Variants in KDM5C observed in about 807,000 individuals in gnomAD.
KDM5C encodes lysine-specific demethylase 5C.
Under a neutral mutation model 110.6 loss-of-function variants are expected in KDM5C, and 16 were observed. That is an observed-to-expected ratio of 0.14 (90% confidence interval 0.10 to 0.22). The LOEUF is 0.22. Among genes scored for constraint, KDM5C ranks in the 10% least tolerant of loss-of-function variants. The probability of loss-of-function intolerance (pLI) is 1.00; values close to 1 mark genes in which losing one functional copy is unlikely to be tolerated. For missense variants in KDM5C, 681 were observed against 1,300.9 expected (o/e 0.52, Z 7.33); for synonymous variants, 511 against 520.4 (o/e 0.98, Z 0.24).
chrX:53,211,061 C>T (rs782703255), intron 10 of KDM5C, among the ~76,000 whole-genome samples: 4 of 111,467 alleles, frequency 3.6e-5, no homozygotes, highest in African/African-American at 1.3e-4. Context: ...TCAATTTCTA[C>T]GAAGTTTACC....
At chrX:53,197,621 C>T (rs1230887469) in intron 18 of KDM5C, 150 bp downstream of exon 18, 6 of 507,958 alleles carry the variant, frequency 1.2e-5, no homozygotes, top group African/African-American at 2.3e-5. Context: ...AGTCACTAGA[C>T]CCTTGCCTCA....
chrX:53,200,786 T>C (rs1169144929), intron 14 of KDM5C, among the ~76,000 whole-genome samples: 3 of 112,328 alleles, frequency 2.7e-5, no homozygotes, highest in Non-Finnish European at 5.6e-5. Flanking sequence ...AAGTGTGAAA[T>C]TTGAAGATGA....
chrX:53,207,930 C>G (rs1413024578), intron 12 of KDM5C, among the ~76,000 whole-genome samples: 8 of 100,308 alleles, frequency 8.0e-5, no homozygotes, highest in Non-Finnish European at 1.6e-4. Flanking sequence ...CCACTGCACT[C>G]CAGCCTCCAG....
At chrX:53,220,810 AC>A in intron 2 of KDM5C, 28 bp downstream of exon 2, 1 of 1,157,249 alleles carries the variant, frequency 8.6e-7, no homozygotes, top group Non-Finnish European at 1.2e-6. Flanking sequence ...CATTCTCCCA[AC>A]CCCACCACCA....
In KDM5C at chrX:53,220,851, C is replaced by A; in HGVS notation, c.216G>T (p.Leu72=). ...CTAGTCTTCTCACCTCTAGCTCATT[C>A]AGCCTCTGGATTCGGGGGGTAAACC... ...NFRFTPRIQR[L]NELEAQTRVK... The change falls in exon 2 of 26, where the codon CTG becomes CTT. Residue 72 remains leucine (L), a synonymous_variant. Transcript: ENST00000375401. 1 of 1,210,284 alleles carries A rather than the reference C, an allele frequency of 8.3e-7. No homozygotes were observed.
intron 12 of KDM5C, among the ~76,000 whole-genome samples, chrX:53,208,499 CTTTTTTTTT>C (rs67574134): frequency 4.1e-5 from 2 of 48,298 alleles, no homozygotes; most frequent in East Asian, 8.1e-4. Context: ...TCAGAGAATC[CTTTTTTTTT>C]TTTTTTTTTT....
rs782081073 is a variant in KDM5C, at chrX:53,194,358, G to C, written c.3819C>G (p.Pro1273=). The C allele has an allele frequency of 3.3e-6, 4 of 1,211,707 alleles. 1 individual carries two copies. The South Asian group carries it at 5.3e-5, about 16-fold the overall frequency. ...VALQRLPVRL[P]EGEALQCLTE... is the part of the protein sequence containing the mutation. ...TGAGGCACTGCAGGGCCTCGCCCTCGGGCAGCCGCACAGGCAGTCTCTGCA... is the reference window on the plus strand; with the variant it reads ...TGAGGCACTGCAGGGCCTCGCCCTCCGGCAGCCGCACAGGCAGTCTCTGCA... The change falls in exon 23 of 26, where the codon CCC becomes CCG. Residue 1273 remains proline, a synonymous_variant. Coordinates refer to ENST00000375401, the MANE Select transcript of KDM5C (RefSeq NM_004187.5).
At chrX:53,215,751 G>A (rs782637267) in intron 7 of KDM5C, 44 bp downstream of exon 7, 60 of 1,158,431 alleles carry the variant, frequency 5.2e-5, no homozygotes, top group Non-Finnish European at 3.8e-5. Flanking sequence ...GCTTATTGAA[G>A]GGACAAGAAG....
intron 2 of KDM5C, chrX:53,218,685 C>T (rs1556853307): frequency 2.4e-6 from 1 of 416,119 alleles, no homozygotes; most frequent in Non-Finnish European, 4.4e-6. Context: ...AAGTGATCCT[C>T]CTGCCTCAGC....
intron 12 of KDM5C, among the ~76,000 whole-genome samples, chrX:53,205,586 C>T (rs1169378109): frequency 8.9e-6 from 1 of 112,536 alleles, no homozygotes; most frequent in East Asian, 2.8e-4. Context: ...ACAGCTCTGA[C>T]AGGTAAACTC....
Position 53,224,788 on chromosome X carries a change from G to T in KDM5C, c.102C>A (p.Ile34=). Residue 34 remains isoleucine, a synonymous_variant, in exon 1 of 26, where the codon ATC becomes ATA. Coordinates refer to ENST00000375401, the MANE Select transcript of KDM5C (RefSeq NM_004187.5). The part of the protein sequence containing the change: ...FRDPLGYIAK[I]RPIAEKSGIC... ...TGCCCGATTTCTCTGCGATGGGCCT[G>T]ATTTTCGCGATGTAGCCAAGAGGGT... is the stretch of plus-strand genomic sequence containing the variant. 2 of 1,211,852 alleles carry T rather than the reference G, an allele frequency of 1.7e-6. No individual in the cohort carries two copies. Among genetic ancestry groups the T allele is most frequent in the Middle Eastern group, 2.3e-4 (1 of 4,356 alleles).
Position 53,224,881 on chromosome X carries a change from C to A in KDM5C, c.9G>T (p.Pro3=), listed in dbSNP as rs782293784. The change falls in exon 1 of 26, where the codon CCG becomes CCT. Residue 3 remains proline (P), a synonymous_variant. Transcript: ENST00000375401. ME[P]GSDDFLPPPE... is the part of the protein sequence containing the mutation. ...GTGGCGGTAGGAAATCGTCGGACCCCGGCTCCATGGTGGGCCCGAGGTCTG... is the reference window on the plus strand; with the variant it reads ...GTGGCGGTAGGAAATCGTCGGACCCAGGCTCCATGGTGGGCCCGAGGTCTG... The A allele has an allele frequency of 8.3e-7, 1 of 1,205,281 alleles. No homozygotes were observed. Among genetic ancestry groups the A allele is most frequent in the Non-Finnish European group, 1.1e-6 (1 of 892,134 alleles).
rs2073767708 is a variant in KDM5C at position 53,217,135 on chromosome X, G to GT, written c.657+7dup. On this transcript the variant is annotated splice_region_variant and intron_variant, in intron 5 of 25. Transcript: ENST00000375401. ...AAAGCTCTAAGTTCGAAGAAGGGGA[G>GT]TACTCACATCAGGCTGCAGTCTCTT... 8.3e-7 allele frequency: 1 copy of GT among 1,203,347 alleles called. No individual in the cohort carries two copies. Among genetic ancestry groups the GT allele is most frequent in the Admixed American group, 2.2e-5 (1 of 45,059 alleles).
chrX:53,203,102 G>A (rs1389549064), intron 12 of KDM5C, among the ~76,000 whole-genome samples: 2 of 111,493 alleles, frequency 1.8e-5, no homozygotes, highest in African/African-American at 3.3e-5. Flanking sequence ...CACCGCGCCC[G>A]GCAAAAATCC....
intron 8 of KDM5C, chrX:53,214,445 TTA>T (rs781962913): frequency 1.4e-3 from 592 of 409,283 alleles, no homozygotes; most frequent in South Asian, 4.4e-3. Context: ...TAGCCTCTGT[TTA>T]TATGTCACCA....
chrX:53,210,282 G>A (rs1188813122), intron 12 of KDM5C, 132 bp downstream of exon 12: 12 of 841,438 alleles, frequency 1.4e-5, no homozygotes, highest in African/African-American at 4.0e-5. Context: ...AGTCAAACCC[G>A]TAGCCCAATT....
chrX:53,221,004 G>C, intron 1 of KDM5C, 88 bp from the exon 2 acceptor site: 1 of 799,436 alleles, frequency 1.3e-6, no homozygotes, highest in South Asian at 2.0e-5. Context: ...GAATCCCACT[G>C]GCACCTTCCC....
At chrX:53,189,816 G>A (rs1934346093), downstream of KDM5C, among the ~76,000 whole-genome samples, 1 of 112,686 alleles carries the variant, frequency 8.9e-6, no homozygotes, top group South Asian at 3.6e-4. Flanking sequence ...TCCAGAGCTT[G>A]GGGGTGGGAG....
At chrX:53,212,288 T>C in intron 8 of KDM5C, 1 of 173,017 alleles carries the variant, frequency 5.8e-6, no homozygotes, top group Non-Finnish European at 1.1e-5. Context: ...ATTTTTCCTC[T>C]CTAGCTAAAA....
Sources: gnomAD v4.1 joint callset for allele counts (sites outside exome capture counted in the v4.1 genomes callset) on GRCh38, gnomAD v4.1.1 for gene constraint, MANE v1.5 for transcripts, NCBI Gene and HGNC (gene_info 2026-07-23, HGNC 2026-07-21) for gene names.